The following RARB variants were observed in gnomAD, a reference collection of about 807,000 sequenced individuals.
The protein encoded by RARB is HBV-activated protein.
A neutral mutation model predicts 51.9 loss-of-function variants in RARB; 17 were observed. That is an observed-to-expected ratio of 0.33 (90% CI 0.22 to 0.49). The LOEUF (loss-of-function observed/expected upper bound fraction) is 0.49. Ranked by LOEUF, RARB falls within the 20% of genes least tolerant of loss-of-function variation. The probability of loss-of-function intolerance (pLI) is 0.99; values close to 1 mark genes in which losing one functional copy is unlikely to be tolerated. For synonymous variants in RARB, 215 were observed against 195.4 expected (o/e 1.10, Z -0.84); for missense variants, 369 against 550.8 (o/e 0.67, Z 3.30).
intron 5 of RARB, among the ~76,000 whole-genome samples, chr3:25,420,558 A>G (rs147253483): frequency 6.6e-6 from 1 of 152,332 alleles, no homozygotes; most frequent in East Asian, 1.9e-4. Context: ...ATTTCATCAG[A>G]AAATTCTTTT....
intron 2 of RARB, among the ~76,000 whole-genome samples, chr3:24,920,952 G>A (rs549551244): frequency 1.3e-3 from 196 of 152,208 alleles, no homozygotes; most frequent in African/African-American, 4.6e-3. Flanking sequence ...AGCTTTCTAT[G>A]GCATCACTTC....
chr3:25,263,482 T>G (rs1376520932), intron 5 of RARB, among the ~76,000 whole-genome samples: 1 of 152,146 alleles, frequency 6.6e-6, no homozygotes, highest in Non-Finnish European at 1.5e-5. Context: ...TATAGTTAAT[T>G]TGAAATGTTG....
intron 2 of RARB, among the ~76,000 whole-genome samples, chr3:24,887,727 TCCTTTCAGTATTTG>T (rs1432159229): frequency 3.2e-4 from 48 of 152,218 alleles, no homozygotes; most frequent in Non-Finnish European, 5.3e-4. Flanking sequence ...ATTATCTTTT[TCCTTTCAGTATTTG>T]CCTTTCAGTA....
intron 2 of RARB, among the ~76,000 whole-genome samples, chr3:24,879,339 G>C (rs1301809653): frequency 6.6e-6 from 1 of 152,004 alleles, no homozygotes; most frequent in Non-Finnish European, 1.5e-5. Flanking sequence ...TGAGGCAGGA[G>C]AATGGCGTGA....
chr3:25,291,424 A>C (rs188226221), intron 5 of RARB, among the ~76,000 whole-genome samples: 1 of 151,368 alleles, frequency 6.6e-6, no homozygotes. Flanking sequence ...TCTCAGATAT[A>C]ATAAGTCATA....
intron 2 of RARB, among the ~76,000 whole-genome samples, chr3:25,492,515 G>A (rs187793401): frequency 1.3e-5 from 2 of 152,230 alleles, no homozygotes; most frequent in Admixed American, 6.5e-5. Context: ...TAAGAACATG[G>A]GCCACCTTTT....
At chr3:24,932,054 G>A (rs1464089916) in intron 2 of RARB, among the ~76,000 whole-genome samples, 1 of 151,894 alleles carries the variant, frequency 6.6e-6, no homozygotes, top group Non-Finnish European at 1.5e-5. Context: ...TGATTTCCAT[G>A]ACAAATAGAA....
chr3:25,145,465 C>T (rs1405253846), intron 4 of RARB, among the ~76,000 whole-genome samples: 1 of 151,518 alleles, frequency 6.6e-6, no homozygotes, highest in African/African-American at 2.4e-5. Flanking sequence ...AGAGCTTCAG[C>T]TTATAGAGTT....
chr3:24,980,836 G>A (rs956690099), intron 2 of RARB, among the ~76,000 whole-genome samples: 1 of 152,202 alleles, frequency 6.6e-6, no homozygotes, highest in Admixed American at 6.5e-5. Flanking sequence ...CTTTGGAGGA[G>A]AAGAGGCATT....
intron 5 of RARB, among the ~76,000 whole-genome samples, chr3:25,223,719 A>G (rs929518053): frequency 6.6e-6 from 1 of 152,208 alleles, no homozygotes; most frequent in Non-Finnish European, 1.5e-5. Flanking sequence ...ATAAAGAGAA[A>G]AGTTCCATTA....
At chr3:25,053,342 A>G (rs555798238) in intron 2 of RARB, among the ~76,000 whole-genome samples, 30 of 152,246 alleles carry the variant, frequency 2.0e-4, no homozygotes, top group Admixed American at 1.6e-3. Flanking sequence ...TTTTTCTCTC[A>G]CAAGACTGCA....
intron 2 of RARB, among the ~76,000 whole-genome samples, chr3:24,954,968 C>A (rs908033082): frequency 6.6e-6 from 1 of 152,110 alleles, no homozygotes; most frequent in Non-Finnish European, 1.5e-5. Context: ...GCTCTTCTAG[C>A]AGTTGCTGTC....
chr3:24,936,616 C>A (rs1695553679), intron 2 of RARB, among the ~76,000 whole-genome samples: 1 of 152,134 alleles, frequency 6.6e-6, no homozygotes, highest in Non-Finnish European at 1.5e-5. Context: ...CATAGATAAT[C>A]CACAAACTAT....
intron 3 of RARB, among the ~76,000 whole-genome samples, chr3:25,127,497 G>A (rs919735305): frequency 6.6e-6 from 1 of 152,100 alleles, no homozygotes; most frequent in Non-Finnish European, 1.5e-5. Context: ...TATCGGCTTT[G>A]TTTCCTATTT....
At chr3:25,148,867 A>G (rs934588369) in intron 4 of RARB, among the ~76,000 whole-genome samples, 23 of 152,190 alleles carry the variant, frequency 1.5e-4, no homozygotes, top group African/African-American at 5.3e-4. Context: ...CAGCCCCTGA[A>G]AAAGGTTGTG....
chr3:25,056,801 T>G (rs1487793386), intron 2 of RARB, among the ~76,000 whole-genome samples: 1 of 152,172 alleles, frequency 6.6e-6, no homozygotes, highest in Non-Finnish European at 1.5e-5. Context: ...CAAAATATAA[T>G]GTTGTCTCTT....
chr3:24,994,388 C>T (rs1175821397), intron 2 of RARB, among the ~76,000 whole-genome samples: 4 of 152,036 alleles, frequency 2.6e-5, no homozygotes, highest in South Asian at 2.1e-4. Context: ...CTTGTATATT[C>T]TGGATATTAA....
At chr3:24,863,528 C>T (rs917835291) in intron 2 of RARB, among the ~76,000 whole-genome samples, 1 of 152,068 alleles carries the variant, frequency 6.6e-6, no homozygotes, top group African/African-American at 2.4e-5. Flanking sequence ...AGTCAAAGAT[C>T]ATGTCAGCGT....
rs191864512 is a variant in RARB at position 25,151,681 on chromosome 3, G to A, written c.-280+19473G>A. On this transcript the variant is annotated intron_variant, in intron 4 of 11. Coordinates refer to the RARB transcript ENST00000383772. ...ATGTGCCAGTCTGTTTCCTGTTTCC[G>A]TCTATTGTACCTTTATTGCCATATA... is the stretch of plus-strand genomic sequence containing the variant. Among the ~76,000 whole-genome samples the A allele has an allele frequency of 5.3e-3, 812 of 152,234 alleles. 2 individuals are homozygous for A. Among genetic ancestry groups the A allele is most frequent in the Admixed American group, 0.012 (180 of 15,292 alleles).
Sources: gnomAD v4.1 joint callset for allele counts (sites outside exome capture counted in the v4.1 genomes callset) on GRCh38, gnomAD v4.1.1 for gene constraint, MANE v1.5 for transcripts, NCBI Gene and HGNC (gene_info 2026-07-23, HGNC 2026-07-21) for gene names.